Variants in KLF12 observed in about 807,000 individuals in gnomAD.
The protein encoded by KLF12 is Krueppel-like factor 12.
A neutral mutation model predicts 37.8 loss-of-function variants in KLF12; 9 were observed. That is an observed-to-expected ratio of 0.24 (90% CI 0.14 to 0.42). KLF12 has a LOEUF of 0.42. Ranked by LOEUF, KLF12 falls within the 10% of genes least tolerant of loss-of-function variation. The pLI is 1.00. For missense variants in KLF12, 411 were observed against 516.0 expected, an observed-to-expected ratio of 0.80 and a Z score of 1.97; for synonymous variants, 208 against 202.1, an observed-to-expected ratio of 1.03 and a Z score of -0.25.
At chr13:73,929,823 C>A (rs984466613) in intron 3 of KLF12, among the ~76,000 whole-genome samples, 1 of 152,186 alleles carries the variant, frequency 6.6e-6, no homozygotes, top group Non-Finnish European at 1.5e-5. Context: ...CCTTCTGCAT[C>A]CCTTTTATGC....
At chr13:74,213,641 C>CCCTT in the KLF12 span, among the ~76,000 whole-genome samples, 5 of 143,814 alleles carry the variant, frequency 3.5e-5, no homozygotes, top group Admixed American at 1.4e-4. Context: ...CTTCTTTCCT[C>CCCTT]CCTTCCTTCC....
intron 6 of KLF12, among the ~76,000 whole-genome samples, chr13:73,741,233 T>C (rs1877953595): frequency 6.6e-6 from 1 of 152,096 alleles, no homozygotes; most frequent in Non-Finnish European, 1.5e-5. Context: ...AACACGTCGA[T>C]GTGATGAGGA....
chr13:74,000,841 A>T (rs1322285326), intron 1 of KLF12, among the ~76,000 whole-genome samples: 1 of 152,190 alleles, frequency 6.6e-6, no homozygotes, highest in African/African-American at 2.4e-5. Context: ...CAAATGAATT[A>T]AGCATTTCTT....
Position 73,782,234 on chromosome 13 carries a change from T to C in KLF12, c.807-17234A>G, listed in dbSNP as rs143976196. 4.6e-5 allele frequency among the ~76,000 whole-genome samples: 7 copies of C among 152,296 alleles called. No individual in the cohort carries two copies. In the East Asian group the frequency reaches 1.4e-3, roughly 29 times the overall value. On this transcript the variant is annotated intron_variant, in intron 5 of 7. Coordinates refer to ENST00000377669, the MANE Select transcript of KLF12 (RefSeq NM_007249.5). The stretch of plus-strand genomic sequence containing the variant: ...TTTCCTATCTTCATAATGGGGATAG[T>C]TCAAAACAATGCCTGGAGCACAGTG...
chr13:74,228,297 A>T, the KLF12 span, among the ~76,000 whole-genome samples: 97 of 152,290 alleles, frequency 6.4e-4, no homozygotes, highest in African/African-American at 2.3e-3. Flanking sequence ...CTTGTAAAAA[A>T]GTCATGAATT....
intron 2 of KLF12, among the ~76,000 whole-genome samples, chr13:73,948,226 T>C (rs968378008): frequency 6.6e-6 from 1 of 150,438 alleles, no homozygotes; most frequent in Admixed American, 6.6e-5. Context: ...TCATAGCAGA[T>C]TCTTTTTTTT....
chr13:73,745,947 C>T (rs746518910), intron 6 of KLF12, among the ~76,000 whole-genome samples: 7 of 152,146 alleles, frequency 4.6e-5, no homozygotes, highest in Non-Finnish European at 5.9e-5. Flanking sequence ...CCATCTGCAT[C>T]GGGCAAAACG....
chr13:73,698,208 G>T (rs1360119775), intron 7 of KLF12, among the ~76,000 whole-genome samples: 1 of 151,182 alleles, frequency 6.6e-6, no homozygotes, highest in African/African-American at 2.4e-5. Context: ...GAAAGGGAAG[G>T]AGGAGGGGAG....
At chr13:74,234,819 C>A in the KLF12 span, among the ~76,000 whole-genome samples, 1,798 of 151,200 alleles carry the variant, frequency 0.012, 44 homozygotes, top group African/African-American at 0.041. Context: ...TGTATCGATA[C>A]CTCATATTTT....
chr13:73,767,052 A>G (rs1879963192), intron 5 of KLF12, among the ~76,000 whole-genome samples: 2 of 152,224 alleles, frequency 1.3e-5, no homozygotes, highest in Admixed American at 1.3e-4. Flanking sequence ...TAAATCAACA[A>G]AGCTTTATTT....
the KLF12 span, among the ~76,000 whole-genome samples, chr13:74,220,652 G>A: frequency 1.3e-5 from 2 of 152,232 alleles, no homozygotes; most frequent in East Asian, 1.9e-4. Context: ...GAAATTTTGC[G>A]TCTTTCGATC....
chr13:73,852,093 G>C (rs967774470), intron 3 of KLF12, among the ~76,000 whole-genome samples: 1 of 152,160 alleles, frequency 6.6e-6, no homozygotes, highest in South Asian at 2.1e-4. Context: ...AATGGAGTAT[G>C]CATTTCACTT....
intron 2 of KLF12, among the ~76,000 whole-genome samples, chr13:73,985,593 G>A (rs1258775516): frequency 3.3e-5 from 5 of 152,040 alleles, no homozygotes; most frequent in Non-Finnish European, 7.4e-5. Flanking sequence ...TGGCTCTAAC[G>A]ACTCTCCATG....
intron 3 of KLF12, among the ~76,000 whole-genome samples, chr13:73,935,662 G>A (rs1398590668): frequency 1.3e-5 from 2 of 151,956 alleles, no homozygotes; most frequent in South Asian, 2.1e-4. Context: ...ACAGAGTCTC[G>A]TGTTGCTCAG....
chr13:74,303,513 C>T, the KLF12 span, among the ~76,000 whole-genome samples: 1 of 152,044 alleles, frequency 6.6e-6, no homozygotes. Flanking sequence ...GGGTAAAGAA[C>T]TAAACGAGCT....
chr13:74,173,826 T>C, the KLF12 span, among the ~76,000 whole-genome samples: 1 of 152,240 alleles, frequency 6.6e-6, no homozygotes, highest in African/African-American at 2.4e-5. Context: ...TCTGGGGTTA[T>C]ATAGCTTTAG....
At chr13:73,884,309 C>T (rs1320947669) in intron 3 of KLF12, among the ~76,000 whole-genome samples, 2 of 152,176 alleles carry the variant, frequency 1.3e-5, no homozygotes, top group Admixed American at 1.3e-4. Context: ...CATCTTTAGG[C>T]TAGCGCAAAT....
chr13:73,714,826 A>G (rs1050824562), intron 7 of KLF12, among the ~76,000 whole-genome samples: 1 of 152,292 alleles, frequency 6.6e-6, no homozygotes, highest in East Asian at 1.9e-4. Context: ...CCTTTTCTGT[A>G]AACTGTCAAT....
intron 5 of KLF12, among the ~76,000 whole-genome samples, chr13:73,782,819 A>T (rs1195258037): frequency 6.6e-6 from 1 of 152,198 alleles, no homozygotes; most frequent in Non-Finnish European, 1.5e-5. Context: ...CAGAAGTCAA[A>T]AGAGTTCTCT....
Sources: allele counts gnomAD v4.1 joint callset (sites outside exome capture counted in the v4.1 genomes callset), GRCh38; gene constraint gnomAD v4.1.1; transcripts MANE v1.5; gene names NCBI Gene and HGNC (gene_info 2026-07-23, HGNC 2026-07-21).